Variants in SDK2 observed in about 807,000 individuals in gnomAD.
SDK2 encodes sidekick cell adhesion molecule 2, also known as protein sidekick-2.
SDK2 carries 105 observed loss-of-function variants against 253.9 expected under a neutral mutation model. The ratio of observed to expected loss-of-function variants is 0.41; its 90% CI spans 0.35 to 0.49. The LOEUF (loss-of-function observed/expected upper bound fraction) is 0.49. SDK2 is among the 20% of genes least tolerant of loss of function. The probability of loss-of-function intolerance (pLI) is 0.06; values close to 1 mark genes in which losing one functional copy is unlikely to be tolerated. For missense variants in SDK2, 2,608 were observed against 3,003.0 expected (o/e 0.87, Z 3.07); for synonymous variants, 1,249 against 1,234.9 (o/e 1.01, Z -0.24).
chr17:73,502,632 T>TA (rs1466634728), intron 2 of SDK2, among the ~76,000 whole-genome samples: 1 of 152,174 alleles, frequency 6.6e-6, no homozygotes, highest in Non-Finnish European at 1.5e-5. Flanking sequence ...TAAATTACTT[T>TA]AAAGGGGGTC....
rs1228887378 is a variant in SDK2, at chr17:73,336,112, A to G, written c.*2475T>C. On this transcript the variant is annotated 3_prime_UTR_variant, in exon 45 of 45. Transcript: ENST00000392650. ...TGGGCTGGGCTTAAATAATTCCCTAATGCAAACTGGGAACTTCCTTAAATG... is the reference window on the plus strand; with the variant it reads ...TGGGCTGGGCTTAAATAATTCCCTAGTGCAAACTGGGAACTTCCTTAAATG... 1 of 151,796 alleles carries G rather than the reference A, an allele frequency of 6.6e-6. No homozygotes were observed. The highest frequency in any genetic ancestry group is 1.5e-5 in the Non-Finnish European group (1 of 67,938). The allele number at this position is 151,796 out of a possible 1,614,324, so 9.4% of individuals were successfully genotyped here.
At position 73,447,552 on chromosome 17, in the gene SDK2, G is replaced by A. The variant is rs1308263361; in HGVS notation, c.613+63C>T. 1.9e-6 allele frequency: 3 copies of A among 1,542,092 alleles called. No individual in the cohort carries two copies. The highest frequency in any genetic ancestry group is 2.4e-5 in the South Asian group (2 of 83,376). On this transcript the variant is annotated intron_variant, in intron 5 of 44. Transcript: ENST00000392650. This position sits in a 1 kb window ranked among gnomAD's most constrained non-coding sequence, Gnocchi z 4.0. ...ACTCCATCTTCCCAATGATCCCCTG[G>A]AGCACCATTGCTAAGATTTAATGGC...
Position 73,437,999 on chromosome 17 carries a change from G to A in SDK2, c.881C>T (p.Pro294Leu). The change falls in exon 7 of 45, where the codon CCC (proline) becomes CTC (leucine). Residue 294 changes from proline to leucine, a missense_variant. By Grantham distance (98) the Pro-to-Leu change is moderately conservative. Around this residue, in one of 2 missense-constraint regions of SDK2, gnomAD observed 1,505 missense variants for 1,859.1 expected, o/e 0.81. Coordinates refer to ENST00000392650, the MANE Select transcript of SDK2 (RefSeq NM_001144952.2). ...GAGGTAGGCGCCCCGGACAACAGAGGGGACGCTGCTGCTGCGCAGGACAGC... is the reference window on the plus strand; with the variant it reads ...GAGGTAGGCGCCCCGGACAACAGAGAGGACGCTGCTGCTGCGCAGGACAGC... ...CEAVLRSSSV[P>L]SVVRGAYLSV... 2 of 1,551,154 alleles carry A rather than the reference G, an allele frequency of 1.3e-6. No individual in the cohort carries two copies. The highest frequency in any genetic ancestry group is 1.7e-6 in the Non-Finnish European group (2 of 1,146,822).
intron 18 of SDK2, 130 bp downstream of exon 18, chr17:73,414,514 C>T: frequency 1.4e-6 from 1 of 694,386 alleles, no homozygotes; most frequent in South Asian, 1.8e-5. Context: ...TAATGTGTGT[C>T]CCTAGCTTGA....
At position 73,532,046 on chromosome 17, in the gene SDK2, AG is replaced by A. The variant is rs530381105; in HGVS notation, c.65-24450del. The stretch of plus-strand genomic sequence containing the variant: ...TCTCTCTAGAGACCAGATGTTCTCA[AG>A]GGGGGGTCATTCTGTACTCCTGCCC... On this transcript the variant is annotated intron_variant, in intron 1 of 44. Coordinates refer to ENST00000392650, the MANE Select transcript of SDK2 (RefSeq NM_001144952.2). 6.2e-3 allele frequency among the ~76,000 whole-genome samples: 943 copies of A among 152,232 alleles called. 4 individuals are homozygous for A. Among genetic ancestry groups the A allele is most frequent in the Non-Finnish European group, 0.01 (685 of 68,020 alleles).
At chr17:73,592,754 T>G (rs1361131727) in intron 1 of SDK2, among the ~76,000 whole-genome samples, 2 of 152,116 alleles carry the variant, frequency 1.3e-5, no homozygotes, top group Non-Finnish European at 2.9e-5. Context: ...GCTCCCCATT[T>G]CCGGAAGGAG....
chr17:73,583,705 C>CCACTCCCCATTCTGTCTGGGG (rs60250608), intron 1 of SDK2, among the ~76,000 whole-genome samples: 1 of 152,100 alleles, frequency 6.6e-6, no homozygotes, highest in Admixed American at 6.5e-5. Flanking sequence ...GCCAAGAGTG[C>CCACTCCCCATTCTGTCTGGGG]TTCAGGCTCA....
At chr17:73,388,776 T>TTCCTTCCCTCCCTC (rs2062896693) in intron 29 of SDK2, among the ~76,000 whole-genome samples, 7 of 57,152 alleles carry the variant, frequency 1.2e-4, no homozygotes, top group East Asian at 6.7e-4. Context: ...CTCCCTCTCC[T>TTCCTTCCCTCCCTC]TCCTTCCTTC....
intron 1 of SDK2, among the ~76,000 whole-genome samples, chr17:73,552,285 T>G (rs2045073459): frequency 6.6e-6 from 1 of 152,264 alleles, no homozygotes; most frequent in African/African-American, 2.4e-5. Context: ...ACGACACATT[T>G]TTTCAATTAC....
At chr17:73,390,237 G>A (rs1362181955) in intron 29 of SDK2, 50 bp downstream of exon 29, 10 of 1,449,530 alleles carry the variant, frequency 6.9e-6, no homozygotes, top group Non-Finnish European at 9.2e-6. Flanking sequence ...GCACTGGCTG[G>A]CCCCCCCTCA....
At chr17:73,451,106 G>A (rs1276987696) in intron 4 of SDK2, among the ~76,000 whole-genome samples, 4 of 152,240 alleles carry the variant, frequency 2.6e-5, no homozygotes, top group African/African-American at 7.2e-5. Flanking sequence ...GACCATGAGC[G>A]CCTCCTGCGC....
In SDK2 at chr17:73,435,439, G is replaced by T. The variant is rs1380572213; in HGVS notation, c.1195+11C>A. The T allele has an allele frequency of 6.3e-7, 1 of 1,581,108 alleles. No homozygotes were observed. The highest frequency in any genetic ancestry group is 1.3e-5 in the African/African-American group (1 of 74,388). On this transcript the variant is annotated intron_variant, in intron 9 of 44. Transcript: ENST00000392650. This position sits in a 1 kb window ranked among gnomAD's most constrained non-coding sequence, Gnocchi z 5.7. ...GGGCTCACGGGCAGCACAAGGGAAGGCCCAACTTACTGGTGACAGCCAGGT... is the reference window on the plus strand; with the variant it reads ...GGGCTCACGGGCAGCACAAGGGAAGTCCCAACTTACTGGTGACAGCCAGGT...
chr17:73,499,372 C>T (rs2063867798), intron 2 of SDK2, among the ~76,000 whole-genome samples: 1 of 152,264 alleles, frequency 6.6e-6, no homozygotes. Flanking sequence ...CACAGCTCTG[C>T]CACAAGGACC....
intron 1 of SDK2, among the ~76,000 whole-genome samples, chr17:73,608,887 C>A (rs1209964874): frequency 6.6e-6 from 1 of 152,200 alleles, no homozygotes; most frequent in Non-Finnish European, 1.5e-5. Context: ...TGGCTCAGGA[C>A]AAAGATGATG....
At chr17:73,506,601 G>C (rs1305845775) in intron 2 of SDK2, among the ~76,000 whole-genome samples, 5 of 152,180 alleles carry the variant, frequency 3.3e-5, no homozygotes, top group Non-Finnish European at 7.4e-5. Flanking sequence ...AACATCCCCA[G>C]GGCAAGACAA....
intron 3 of SDK2, among the ~76,000 whole-genome samples, chr17:73,464,577 G>C (rs1349494220): frequency 6.6e-6 from 1 of 152,156 alleles, no homozygotes; most frequent in African/African-American, 2.4e-5. Flanking sequence ...TCTCCTTCCA[G>C]CCTCACCATC....
At chr17:73,574,680 C>T (rs2045434558) in intron 1 of SDK2, among the ~76,000 whole-genome samples, 1 of 152,190 alleles carries the variant, frequency 6.6e-6, no homozygotes, top group Non-Finnish European at 1.5e-5. Flanking sequence ...GCTCTAAATG[C>T]CTTGCCCTTG....
chr17:73,638,391 A>C (rs2046358306), intron 1 of SDK2, among the ~76,000 whole-genome samples: 1 of 152,214 alleles, frequency 6.6e-6, no homozygotes, highest in African/African-American at 2.4e-5. Flanking sequence ...AATGGAGAAA[A>C]TGATGGAGAG....
intron 2 of SDK2, among the ~76,000 whole-genome samples, chr17:73,475,532 C>T (rs745613460): frequency 1.3e-5 from 2 of 152,156 alleles, no homozygotes; most frequent in African/African-American, 2.4e-5. Flanking sequence ...TGCTTGCCAT[C>T]GCAGAGACAA....
Sources: gnomAD v4.1 joint callset for allele counts (sites outside exome capture counted in the v4.1 genomes callset) on GRCh38, gnomAD v4.1.1 for gene constraint, gnomAD v4.1.1 regional missense constraint, Gnocchi (gnomAD v3.1) non-coding constraint, MANE v1.5 for transcripts, NCBI Gene and HGNC (gene_info 2026-07-23, HGNC 2026-07-21) for gene names.